Variants in SUMF1 observed in about 807,000 individuals in gnomAD.
The protein encoded by SUMF1 is formylglycine-generating enzyme.
SUMF1 carries 48 observed loss-of-function variants against 47.6 expected under a neutral mutation model. The observed-to-expected ratio is 1.01, with a 90% CI of 0.80 to 1.28. SUMF1 has a LOEUF of 1.28. Among genes scored for constraint, SUMF1 ranks in the 50% most tolerant of loss-of-function variants. SUMF1 has a pLI of 0.00. For missense variants in SUMF1, 571 were observed against 485.4 expected (o/e 1.18, Z -1.66); for synonymous variants, 230 against 192.1 (o/e 1.20, Z -1.63).
chr3:4,344,301 G>A (rs1328260102), intron 8 of SUMF1, among the ~76,000 whole-genome samples: 1 of 152,178 alleles, frequency 6.6e-6, no homozygotes, highest in Non-Finnish European at 1.5e-5. Flanking sequence ...AGTGCCCCTC[G>A]AGGGCAGAGC....
At chr3:4,339,511 C>T (rs1445578461) in intron 8 of SUMF1, among the ~76,000 whole-genome samples, 2 of 152,136 alleles carry the variant, frequency 1.3e-5, no homozygotes, top group South Asian at 4.1e-4. Flanking sequence ...TAGGGTGGCT[C>T]CATGTTGTAG....
In SUMF1 at chr3:4,382,675, G is replaced by A. The variant is rs148827643; in HGVS notation, c.955-6286C>T. Reference sequence around the variant, plus strand: ...GCAAAGACTTGGAACCAACCCAAACGCCCACCAATGATGGACTGGATAAAG... The same window carrying A: ...GCAAAGACTTGGAACCAACCCAAACACCCACCAATGATGGACTGGATAAAG... On this transcript the variant is annotated intron_variant, in intron 7 of 8. Transcript: ENST00000272902. 6.3e-4 allele frequency among the ~76,000 whole-genome samples: 96 copies of A among 152,206 alleles called. 1 individual carries two copies. Among genetic ancestry groups the A allele is most frequent in the African/African-American group, 2.2e-3 (93 of 41,498 alleles).
intron 8 of SUMF1, among the ~76,000 whole-genome samples, chr3:4,350,148 G>GCC (rs879326388): frequency 0.17 from 25,018 of 151,360 alleles, 2,129 homozygotes; most frequent in Middle Eastern, 0.22. Context: ...TTACAGGCAT[G>GCC]CACCACCACG....
chr3:4,207,442 A>G (rs184715919), intron 8 of SUMF1, among the ~76,000 whole-genome samples: 1 of 152,276 alleles, frequency 6.6e-6, no homozygotes, highest in African/African-American at 2.4e-5. Context: ...GGCTTTTAAT[A>G]TTAACCATGA....
rs146828967 is a variant in SUMF1 at position 4,141,635 on chromosome 3, C to T, written c.1015-72890G>A. ...CTAAGATCATGCCACTGCACTCTACCCTGGGCAACAGAGCAAGATCCTGCT... is the reference window on the plus strand; with the variant it reads ...CTAAGATCATGCCACTGCACTCTACTCTGGGCAACAGAGCAAGATCCTGCT... On this transcript the variant is annotated intron_variant and NMD_transcript_variant, in intron 8 of 12. Transcript: ENST00000448413. 4.7e-3 allele frequency among the ~76,000 whole-genome samples: 712 copies of T among 152,176 alleles called. 7 individuals are homozygous for T. Among genetic ancestry groups the T allele is most frequent in the Middle Eastern group, 0.017 (5 of 294 alleles).
chr3:4,380,531 T>G lies in SUMF1; in HGVS notation c.955-4142A>C, dbSNP rs190688072. ...TACACCAAACCCCCACGGCCCACAA[T>G]TTACCCATGTAACAAACCTGCACAT... On this transcript the variant is annotated intron_variant, in intron 7 of 8. Transcript: ENST00000272902. 5.9e-5 allele frequency among the ~76,000 whole-genome samples: 9 copies of G among 152,216 alleles called. No homozygotes were observed. The South Asian group carries it at 1.0e-3, about 18-fold the overall frequency.
intron 8 of SUMF1, among the ~76,000 whole-genome samples, chr3:4,073,560 G>A (rs1692339525): frequency 3.9e-5 from 6 of 152,124 alleles, no homozygotes; most frequent in Admixed American, 3.9e-4. Flanking sequence ...AAAGAGTCAA[G>A]ACCCATTGGT....
intron 9 of SUMF1, among the ~76,000 whole-genome samples, chr3:4,063,894 G>A (rs813263): frequency 0.98 from 148,536 of 152,280 alleles, 72,532 homozygotes; most frequent in Middle Eastern, 1. Context: ...TCATAGATTG[G>A]TAGCTTAGAA....
rs138429492 is a variant in SUMF1 at position 4,249,262 on chromosome 3, T to C, written c.1014+127068A>G. Among the ~76,000 whole-genome samples, 1,238 of 152,294 alleles carry C rather than the reference T, an allele frequency of 8.1e-3. 19 individuals are homozygous for C. Among genetic ancestry groups the C allele is most frequent in the African/African-American group, 0.029 (1,190 of 41,562 alleles). ...CTGAGTGCCAAAACCAAATATAATA[T>C]ACAGACAGTCTTATTTTATTCTGCT... On this transcript the variant is annotated intron_variant and NMD_transcript_variant, in intron 8 of 12. Coordinates refer to the SUMF1 transcript ENST00000448413.
chr3:4,285,103 G>A (rs548040976), intron 8 of SUMF1, among the ~76,000 whole-genome samples: 11 of 152,216 alleles, frequency 7.2e-5, no homozygotes, highest in African/African-American at 7.2e-5. Context: ...CTAAGCCACC[G>A]AATAAGGCAG....
intron 8 of SUMF1, among the ~76,000 whole-genome samples, chr3:4,337,681 C>A (rs1699183367): frequency 6.6e-6 from 1 of 152,180 alleles, no homozygotes; most frequent in Admixed American, 6.5e-5. Flanking sequence ...TAGGTGGATA[C>A]AGAAAAGTGC....
chr3:4,085,877 AT>A (rs1692661470), intron 8 of SUMF1, among the ~76,000 whole-genome samples: 1 of 152,082 alleles, frequency 6.6e-6, no homozygotes, highest in South Asian at 2.1e-4. Context: ...ATGATTTGAT[AT>A]TGTTATCAAT....
chr3:4,407,986 T>C (rs975433269), intron 7 of SUMF1, among the ~76,000 whole-genome samples: 4 of 152,226 alleles, frequency 2.6e-5, no homozygotes, highest in African/African-American at 9.6e-5. Flanking sequence ...TCTCAATTCC[T>C]GACTAGATTA....
At chr3:4,092,984 T>C (rs1192937951) in intron 8 of SUMF1, among the ~76,000 whole-genome samples, 1 of 151,938 alleles carries the variant, frequency 6.6e-6, no homozygotes, top group Non-Finnish European at 1.5e-5. Flanking sequence ...AATGTGCCAA[T>C]GTTTATAGAG....
In SUMF1 at chr3:4,109,057, C is replaced by A. The variant is rs188858474; in HGVS notation, c.1015-40312G>T. ...CAATTTGGCATGTTTTTGCAGTGGCCGATACCAGTTGTTCCTTTTCATGTT... is the reference window on the plus strand; with the variant it reads ...CAATTTGGCATGTTTTTGCAGTGGCAGATACCAGTTGTTCCTTTTCATGTT... On this transcript the variant is annotated intron_variant and NMD_transcript_variant, in intron 8 of 12. Coordinates refer to the SUMF1 transcript ENST00000448413. 2.3e-3 allele frequency among the ~76,000 whole-genome samples: 343 copies of A among 152,054 alleles called. 9 individuals carry two copies. The highest frequency in any genetic ancestry group is 7.8e-3 in the African/African-American group (325 of 41,464).
intron 8 of SUMF1, among the ~76,000 whole-genome samples, chr3:4,363,234 T>TCA (rs1699828837): frequency 1.3e-5 from 2 of 152,122 alleles, no homozygotes; most frequent in African/African-American, 4.8e-5. Context: ...ATTTATGATA[T>TCA]TATTTATTAT....
At chr3:4,332,001 T>C (rs906414244) in intron 8 of SUMF1, among the ~76,000 whole-genome samples, 3 of 152,202 alleles carry the variant, frequency 2.0e-5, no homozygotes, top group Non-Finnish European at 4.4e-5. Flanking sequence ...TTTTTTATTT[T>C]ACCAATAATT....
intron 4 of SUMF1, among the ~76,000 whole-genome samples, chr3:4,419,568 G>A (rs1474874962): frequency 6.6e-6 from 1 of 151,988 alleles, no homozygotes. Flanking sequence ...TGACCGACTT[G>A]GCTCTCTGTG....
chr3:4,380,873 T>A (rs976209534), intron 7 of SUMF1, among the ~76,000 whole-genome samples: 2 of 152,108 alleles, frequency 1.3e-5, no homozygotes, highest in Non-Finnish European at 2.9e-5. Flanking sequence ...TGCAGAGAAA[T>A]CTACCCCTGT....
Sources: gnomAD v4.1 joint callset for allele counts (sites outside exome capture counted in the v4.1 genomes callset) on GRCh38, gnomAD v4.1.1 for gene constraint, MANE v1.5 for transcripts, NCBI Gene and HGNC (gene_info 2026-07-23, HGNC 2026-07-21) for gene names.